MECOM: variants seen among roughly 807,000 people sequenced by gnomAD.
MECOM encodes MDS1 and EVI1 complex locus.
A neutral mutation model predicts 116.3 loss-of-function variants in MECOM; 13 were observed. The observed-to-expected ratio is 0.11, with a 90% CI of 0.07 to 0.18. The LOEUF is 0.18. Among genes scored for constraint, MECOM ranks in the 10% least tolerant of loss-of-function variants. The probability of loss-of-function intolerance (pLI) is 1.00; values close to 1 mark genes in which losing one functional copy is unlikely to be tolerated. For synonymous variants in MECOM, 528 were observed against 535.2 expected, an observed-to-expected ratio of 0.99 and a Z score of 0.19; for missense variants, 1,299 against 1,509.0, an observed-to-expected ratio of 0.86 and a Z score of 2.31.
chr3:169,090,773 C>A (rs1173009113), intron 14 of MECOM, among the ~76,000 whole-genome samples: 1 of 151,210 alleles, frequency 6.6e-6, no homozygotes, highest in East Asian at 1.9e-4. Context: ...TCCACCTAAC[C>A]ACTCTACCCA....
intron 1 of MECOM, among the ~76,000 whole-genome samples, chr3:169,542,714 G>A (rs563839305): frequency 2.6e-5 from 4 of 152,260 alleles, no homozygotes; most frequent in Admixed American, 2.0e-4. Flanking sequence ...CATTCAATCC[G>A]GTGGCAACTA....
chr3:169,208,024 T>C (rs1310073185), intron 2 of MECOM, among the ~76,000 whole-genome samples: 22 of 152,050 alleles, frequency 1.4e-4, no homozygotes, highest in Non-Finnish European at 2.9e-5. Context: ...TATAACAAGA[T>C]AGAAAAGTAA....
chr3:169,487,189 T>C (rs763362498), intron 1 of MECOM, among the ~76,000 whole-genome samples: 3 of 152,076 alleles, frequency 2.0e-5, no homozygotes, highest in African/African-American at 4.8e-5. Context: ...CTAAAGAATA[T>C]ACTTCAAGAA....
chr3:169,485,184 G>T (rs897561916), intron 1 of MECOM, among the ~76,000 whole-genome samples: 3 of 151,956 alleles, frequency 2.0e-5, no homozygotes, highest in Non-Finnish European at 4.4e-5. Flanking sequence ...GAGTAGAGAC[G>T]GGGTTTCGCT....
intron 2 of MECOM, among the ~76,000 whole-genome samples, chr3:169,215,371 G>A (rs1751292332): frequency 6.6e-6 from 1 of 151,734 alleles, no homozygotes; most frequent in Non-Finnish European, 1.5e-5. Context: ...ACATGAATCC[G>A]TGGAGCTCCT....
At chr3:169,651,128 A>G (rs1305622266) in intron 1 of MECOM, among the ~76,000 whole-genome samples, 3 of 152,126 alleles carry the variant, frequency 2.0e-5, no homozygotes, top group East Asian at 3.9e-4. Flanking sequence ...ACTCAGTGTT[A>G]TGTTGGCCAT....
At chr3:169,407,001 C>A (rs1736815442) in intron 1 of MECOM, among the ~76,000 whole-genome samples, 1 of 151,808 alleles carries the variant, frequency 6.6e-6, no homozygotes, top group Admixed American at 6.6e-5. Context: ...TGCCACCACG[C>A]CCAGCTAATT....
At chr3:169,497,714 G>A (rs907490490) in intron 1 of MECOM, among the ~76,000 whole-genome samples, 8 of 152,080 alleles carry the variant, frequency 5.3e-5, no homozygotes, top group African/African-American at 1.7e-4. Flanking sequence ...ACATCCTAAA[G>A]CATAATTCTG....
At chr3:169,537,193 G>A (rs1470632521) in intron 1 of MECOM, among the ~76,000 whole-genome samples, 1 of 152,106 alleles carries the variant, frequency 6.6e-6, no homozygotes, top group African/African-American at 2.4e-5. Context: ...TTCCCCATGG[G>A]ACAGCCTCTG....
At chr3:169,186,391 A>T (rs1746766511) in intron 2 of MECOM, among the ~76,000 whole-genome samples, 1 of 20,500 alleles carries the variant, frequency 4.9e-5, no homozygotes, top group African/African-American at 1.7e-4. Context: ...GGAGGGAGGG[A>T]GGGAGGGAGG....
At chr3:169,384,755 C>G (rs980217905) in intron 1 of MECOM, among the ~76,000 whole-genome samples, 1 of 152,114 alleles carries the variant, frequency 6.6e-6, no homozygotes, top group Admixed American at 6.5e-5. Context: ...ATTTCCCCTA[C>G]TTCCTCAAAG....
chr3:169,661,477 G>T (rs1008707029), intron 1 of MECOM, among the ~76,000 whole-genome samples: 1 of 152,178 alleles, frequency 6.6e-6, no homozygotes, highest in Non-Finnish European at 1.5e-5. Context: ...CACTGTAGCA[G>T]CGAGTGTAAA....
chr3:169,608,445 A>G (rs1292083536), intron 1 of MECOM, among the ~76,000 whole-genome samples: 1 of 151,870 alleles, frequency 6.6e-6, no homozygotes, highest in African/African-American at 2.4e-5. Context: ...TGACCTAGAG[A>G]TTTTCAAAGG....
intron 1 of MECOM, among the ~76,000 whole-genome samples, chr3:169,635,142 T>C (rs1275717401): frequency 1.3e-5 from 2 of 152,212 alleles, no homozygotes; most frequent in Admixed American, 6.5e-5. Flanking sequence ...AGGCCGCTGC[T>C]CTACCTTTAT....
At chr3:169,573,458 T>G (rs1276946486) in intron 1 of MECOM, among the ~76,000 whole-genome samples, 2 of 152,196 alleles carry the variant, frequency 1.3e-5, no homozygotes, top group Non-Finnish European at 2.9e-5. Context: ...GAGGAATAGA[T>G]GCAGGTATCT....
chr3:169,429,092 T>C (rs904141064), intron 1 of MECOM, among the ~76,000 whole-genome samples: 1 of 152,322 alleles, frequency 6.6e-6, no homozygotes, highest in Admixed American at 6.5e-5. Flanking sequence ...TGAGTGTCAG[T>C]TGAAATGAGA....
chr3:169,392,798 T>G (rs1400494897), intron 1 of MECOM, among the ~76,000 whole-genome samples: 1 of 152,176 alleles, frequency 6.6e-6, no homozygotes, highest in Non-Finnish European at 1.5e-5. Flanking sequence ...TAAAGAAACC[T>G]CTTATTTTGA....
chr3:169,113,838 A>G (rs1015458534), intron 8 of MECOM, among the ~76,000 whole-genome samples: 1 of 152,030 alleles, frequency 6.6e-6, no homozygotes, highest in Admixed American at 6.6e-5. Flanking sequence ...TATCCATTTT[A>G]TGCTTTTTTT....
At chr3:169,145,143 AACACACACACACACACACACACAC>A (rs67598122) in intron 2 of MECOM, 1 of 512,638 alleles carries the variant, frequency 2.0e-6, no homozygotes, top group Non-Finnish European at 3.3e-6. Flanking sequence ...GATATTATTA[AACACACACACACACACACACACAC>A]ACACACACAC....
Sources: gnomAD v4.1 joint callset for allele counts (sites outside exome capture counted in the v4.1 genomes callset) on GRCh38, gnomAD v4.1.1 for gene constraint, MANE v1.5 for transcripts, NCBI Gene and HGNC (gene_info 2026-07-23, HGNC 2026-07-21) for gene names.